SPTLC1: variants seen among roughly 807,000 people sequenced by gnomAD.
The protein encoded by SPTLC1 is serine palmitoyltransferase 1.
In SPTLC1, 55 loss-of-function variants were observed where a neutral mutation model predicts 68.9. That is an observed-to-expected ratio of 0.80 (90% CI 0.64 to 1.00). The LOEUF (loss-of-function observed/expected upper bound fraction) is 1.00, where lower values mean the gene tolerates loss of function less well. SPTLC1 is among the 50% of genes least tolerant of loss of function. SPTLC1 has a pLI of 0.00. For missense variants in SPTLC1, 449 were observed against 573.1 expected (o/e 0.78, Z 2.21); for synonymous variants, 197 against 201.6 (o/e 0.98, Z 0.19).
chr9:92,080,817 G>T, intron 4 of SPTLC1, 53 bp downstream of exon 4: 1 of 1,443,874 alleles, frequency 6.9e-7, no homozygotes, highest in Non-Finnish European at 9.7e-7. Flanking sequence ...TTTATGTCTA[G>T]TTTCTTAAAT....
chr9:92,045,270 C>G (rs1833468398), intron 12 of SPTLC1, among the ~76,000 whole-genome samples: 2 of 151,094 alleles, frequency 1.3e-5, no homozygotes, highest in South Asian at 4.2e-4. Flanking sequence ...TTAGGAAAGG[C>G]AAAAAGAAAG....
intron 3 of SPTLC1, among the ~76,000 whole-genome samples, chr9:92,088,404 T>G (rs1370921131): frequency 1.3e-5 from 2 of 152,240 alleles, no homozygotes; most frequent in Non-Finnish European, 1.5e-5. Flanking sequence ...CCTCCGGGCT[T>G]CTCTTTCAAA....
chr9:92,094,271 G>C (rs753297594), intron 3 of SPTLC1, among the ~76,000 whole-genome samples: 2 of 152,194 alleles, frequency 1.3e-5, no homozygotes, highest in Non-Finnish European at 2.9e-5. Flanking sequence ...AATCTAAGAT[G>C]TCATCAATTG....
chr9:92,045,547 A>C (rs1346039230), intron 12 of SPTLC1, among the ~76,000 whole-genome samples: 1 of 147,026 alleles, frequency 6.8e-6, no homozygotes, highest in African/African-American at 2.5e-5. Context: ...AAAAAAAAAA[A>C]AAAAACACTG....
chr9:92,096,067 T>C (rs1352335852), intron 3 of SPTLC1, among the ~76,000 whole-genome samples: 1 of 152,204 alleles, frequency 6.6e-6, no homozygotes, highest in Non-Finnish European at 1.5e-5. Context: ...GTGAGTTACA[T>C]AATGAATGGT....
In SPTLC1 at chr9:92,031,426, C is replaced by T. The variant is rs1315512233; in HGVS notation, c.*1039G>A. On this transcript the variant is annotated 3_prime_UTR_variant, in exon 15 of 15. Transcript: ENST00000262554. ...ATAATATTTATATGCTATATTGTGG[C>T]ACGTATAACAAACCTTTACACCACA... 1.3e-5 allele frequency: 2 copies of T among 152,192 alleles called. No individual in the cohort carries two copies. Among genetic ancestry groups the T allele is most frequent in the East Asian group, 3.8e-4 (2 of 5,198 alleles). 9.4% of individuals were successfully genotyped at this position (152,192 alleles called of 1,614,324 possible).
chr9:92,085,847 A>ATT (rs1835101892), intron 3 of SPTLC1, among the ~76,000 whole-genome samples: 7 of 151,292 alleles, frequency 4.6e-5, no homozygotes, highest in Admixed American at 4.6e-4. Context: ...TGGGGTGTTA[A>ATT]AGTCTCCCAT....
At chr9:92,033,723 T>C (rs10820933) in intron 14 of SPTLC1, among the ~76,000 whole-genome samples, 2 of 151,974 alleles carry the variant, frequency 1.3e-5, no homozygotes, top group Non-Finnish European at 2.9e-5. Context: ...GCCTGGCTAA[T>C]TTTTACAGAG....
intron 1 of SPTLC1, chr9:92,115,077 A>C: frequency 1.7e-6 from 1 of 580,508 alleles, no homozygotes; most frequent in Non-Finnish European, 3.1e-6. Context: ...CTTCCAGGGG[A>C]CCCGGAGCAT....
intron 3 of SPTLC1, among the ~76,000 whole-genome samples, chr9:92,082,650 T>C (rs1044574127): frequency 6.6e-6 from 1 of 152,070 alleles, no homozygotes; most frequent in African/African-American, 2.4e-5. Flanking sequence ...TGTCGGACAT[T>C]TGGGTTGGTT....
chr9:92,083,894 G>C (rs1835001625), intron 3 of SPTLC1, among the ~76,000 whole-genome samples: 2 of 152,160 alleles, frequency 1.3e-5, no homozygotes, highest in African/African-American at 2.4e-5. Context: ...TCTTCCATTT[G>C]TTTGTATCCT....
intron 3 of SPTLC1, among the ~76,000 whole-genome samples, chr9:92,093,830 G>A (rs1365370155): frequency 2.0e-5 from 3 of 152,126 alleles, no homozygotes; most frequent in Non-Finnish European, 2.9e-5. Context: ...TTTAGAAACC[G>A]GGAGGTGCTT....
intron 7 of SPTLC1, among the ~76,000 whole-genome samples, chr9:92,057,296 A>G (rs1587927129): frequency 6.6e-6 from 1 of 152,338 alleles, no homozygotes; most frequent in East Asian, 1.9e-4. Context: ...TTCATATCAC[A>G]ATATGAATAT....
intron 5 of SPTLC1, among the ~76,000 whole-genome samples, chr9:92,072,486 G>A (rs796864739): frequency 1.1e-4 from 16 of 152,140 alleles, no homozygotes; most frequent in African/African-American, 3.9e-4. Flanking sequence ...CCTCCATTGG[G>A]GATGCCCACT....
chr9:92,082,857 C>T (rs1031525269), intron 3 of SPTLC1, among the ~76,000 whole-genome samples: 11 of 151,548 alleles, frequency 7.3e-5, no homozygotes, highest in Non-Finnish European at 1.5e-4. Context: ...GTCCCACCAA[C>T]AGTGTAAAAG....
At chr9:92,063,046 A>AT (rs1178660873) in intron 6 of SPTLC1, among the ~76,000 whole-genome samples, 1 of 152,188 alleles carries the variant, frequency 6.6e-6, no homozygotes, top group African/African-American at 2.4e-5. Context: ...GGAACTGACA[A>AT]TAAAAATACA....
chr9:92,090,819 C>T (rs910135354), intron 3 of SPTLC1, among the ~76,000 whole-genome samples: 2 of 152,114 alleles, frequency 1.3e-5, no homozygotes, highest in Admixed American at 1.3e-4. Flanking sequence ...GCCAGCATTG[C>T]CGTAACCAAG....
At chr9:92,081,684 G>A (rs1424702458) in intron 3 of SPTLC1, among the ~76,000 whole-genome samples, 1 of 152,208 alleles carries the variant, frequency 6.6e-6, no homozygotes, top group Non-Finnish European at 1.5e-5. Flanking sequence ...GTGAGACCAA[G>A]TTAGTTGGTC....
chr9:92,051,398 A>G (rs1443668425), intron 8 of SPTLC1: 4 of 410,828 alleles, frequency 9.7e-6, no homozygotes, highest in Admixed American at 6.4e-5. Flanking sequence ...ATAAATGCAG[A>G]AAAAAAATTT....
Sources: gnomAD v4.1 joint callset for allele counts (sites outside exome capture counted in the v4.1 genomes callset) on GRCh38, gnomAD v4.1.1 for gene constraint, MANE v1.5 for transcripts, NCBI Gene and HGNC (gene_info 2026-07-23, HGNC 2026-07-21) for gene names.